The following PRTG variants were observed in gnomAD, a reference collection of about 807,000 sequenced individuals.
PRTG encodes immunoglobulin superfamily, DCC subclass, member 5.
Under a neutral mutation model 122.5 loss-of-function variants are expected in PRTG, and 67 were observed. That is an observed-to-expected ratio of 0.55 (90% CI 0.45 to 0.67). The LOEUF is 0.67. Ranked by LOEUF, PRTG falls within the 30% of genes least tolerant of loss-of-function variation. PRTG has a pLI of 0.00. For missense variants in PRTG, 1,435 were observed against 1,415.4 expected (o/e 1.01, Z -0.22); for synonymous variants, 554 against 501.1 (o/e 1.11, Z -1.41).
At chr15:55,713,234 T>A (rs1028090609) in intron 2 of PRTG, among the ~76,000 whole-genome samples, 1 of 152,212 alleles carries the variant, frequency 6.6e-6, no homozygotes, top group East Asian at 1.9e-4. Context: ...ACAAATGGTA[T>A]CATAGTCTAT....
chr15:55,636,382 T>C (rs2059257909), intron 15 of PRTG, among the ~76,000 whole-genome samples: 1 of 151,988 alleles, frequency 6.6e-6, no homozygotes, highest in Non-Finnish European at 1.5e-5. Flanking sequence ...CTTCCAGTGT[T>C]TCCTTCTCCT....
chr15:55,660,566 T>C (rs1048630151), intron 11 of PRTG, among the ~76,000 whole-genome samples: 1 of 152,230 alleles, frequency 6.6e-6, no homozygotes, highest in Non-Finnish European at 1.5e-5. Flanking sequence ...CATTTTACCA[T>C]GCTTACAGAC....
At chr15:55,688,614 T>C (rs988356663) in intron 2 of PRTG, among the ~76,000 whole-genome samples, 4 of 152,118 alleles carry the variant, frequency 2.6e-5, no homozygotes, top group Non-Finnish European at 5.9e-5. Flanking sequence ...GGCAGGCAGA[T>C]CACAAAGTCA....
At chr15:55,735,235 C>A (rs546747554) in intron 2 of PRTG, among the ~76,000 whole-genome samples, 13 of 152,214 alleles carry the variant, frequency 8.5e-5, no homozygotes, top group African/African-American at 3.1e-4. Flanking sequence ...AAATGCCTGA[C>A]TTAACATTCT....
chr15:55,672,432 C>A lies in PRTG; in HGVS notation c.2041+13G>T, dbSNP rs777990696. 5.6e-6 allele frequency: 9 copies of A among 1,604,702 alleles called. No homozygotes were observed. The South Asian group carries it at 6.7e-5, about 12-fold the overall frequency. On this transcript the variant is annotated intron_variant, in intron 11 of 19. Transcript: ENST00000389286. The stretch of plus-strand genomic sequence containing the variant: ...GAAGGAAAAAGGGAAAAATACAGTA[C>A]AAACTCACTCACCTAAGCCACTGAG...
intron 2 of PRTG, among the ~76,000 whole-genome samples, chr15:55,726,736 C>T (rs2031045382): frequency 1.3e-5 from 2 of 151,004 alleles, no homozygotes; most frequent in Admixed American, 6.6e-5. Context: ...GGAAAACTCA[C>T]ACATATATGA....
Position 55,617,645 on chromosome 15 carries a change from C to T in PRTG, c.*2367G>A, listed in dbSNP as rs1293181543. 2.0e-5 allele frequency: 3 copies of T among 151,862 alleles called. No homozygotes were observed. Among genetic ancestry groups the T allele is most frequent in the Admixed American group, 6.6e-5 (1 of 15,210 alleles). The allele number at this position is 151,862 out of a possible 1,614,324, so 9.4% of individuals were successfully genotyped here. A position where few individuals can be genotyped will look rare whatever the true frequency, so the allele number is the denominator to read the frequency against. On this transcript the variant is annotated 3_prime_UTR_variant, in exon 20 of 20. Transcript: ENST00000389286. ...TTAAATAATTATCAAATAGTTATAG[C>T]CTAAAGTTCTATTGTAACTATAAGC...
At chr15:55,721,319 A>C (rs990207948) in intron 2 of PRTG, among the ~76,000 whole-genome samples, 1 of 152,182 alleles carries the variant, frequency 6.6e-6, no homozygotes, top group Non-Finnish European at 1.5e-5. Context: ...AATGGGATCA[A>C]TCTGAAACAC....
intron 11 of PRTG, among the ~76,000 whole-genome samples, chr15:55,653,298 T>C (rs2059363021): frequency 6.6e-6 from 1 of 152,098 alleles, no homozygotes; most frequent in Non-Finnish European, 1.5e-5. Context: ...CTCTTTTGTT[T>C]TGCTCCCACC....
intron 18 of PRTG, among the ~76,000 whole-genome samples, chr15:55,622,472 C>T (rs1478312125): frequency 1.3e-5 from 2 of 151,470 alleles, no homozygotes; most frequent in African/African-American, 4.9e-5. Flanking sequence ...CAAGCTCTGC[C>T]TCCCGGGTTC....
intron 2 of PRTG, among the ~76,000 whole-genome samples, chr15:55,723,337 T>A (rs533708201): frequency 1.2e-3 from 182 of 148,876 alleles, no homozygotes; most frequent in African/African-American, 4.3e-3. Flanking sequence ...TCAAATGTTT[T>A]AAAACATGAA....
chr15:55,657,472 A>G (rs2059386730), intron 11 of PRTG, among the ~76,000 whole-genome samples: 1 of 152,218 alleles, frequency 6.6e-6, no homozygotes, highest in Admixed American at 6.5e-5. Context: ...GTAACTTGTT[A>G]AGTGATCCTA....
intron 2 of PRTG, 60 bp downstream of exon 2, chr15:55,740,322 C>G: frequency 6.9e-7 from 1 of 1,447,180 alleles, no homozygotes; most frequent in Non-Finnish European, 9.4e-7. Flanking sequence ...ATTAATAAAG[C>G]AAGAAATCAT....
At chr15:55,740,011 T>C (rs2141897730) in intron 2 of PRTG, among the ~76,000 whole-genome samples, 1 of 152,336 alleles carries the variant, frequency 6.6e-6, no homozygotes, top group African/African-American at 2.4e-5. Context: ...AACAATTTGC[T>C]TGTGATTGTT....
At chr15:55,703,158 T>C (rs1171848424) in intron 2 of PRTG, among the ~76,000 whole-genome samples, 1 of 152,214 alleles carries the variant, frequency 6.6e-6, no homozygotes, top group Non-Finnish European at 1.5e-5. Flanking sequence ...TGAGTACTTC[T>C]TCAGGATTAA....
rs536821094 is a variant in PRTG, at chr15:55,618,521, C to T, written c.*1491G>A. 1.9e-4 allele frequency: 29 copies of T among 152,284 alleles called. No homozygotes were observed. Among genetic ancestry groups the T allele is most frequent in the African/African-American group, 3.6e-4 (15 of 41,538 alleles). The allele number at this position is 152,284 out of a possible 1,614,324, so 9.4% of individuals were successfully genotyped here. A position where few individuals can be genotyped will look rare whatever the true frequency, so the allele number is the denominator to read the frequency against. On this transcript the variant is annotated 3_prime_UTR_variant, in exon 20 of 20. Coordinates refer to ENST00000389286, the MANE Select transcript of PRTG (RefSeq NM_173814.6). ...CGGCACCTAGGTAACTGTCTCATGA[C>T]GGAGAAAAGGCCTATGTTATGTAGC... is the stretch of plus-strand genomic sequence containing the variant.
Position 55,612,566 on chromosome 15 carries a change from T to C in PRTG, c.*7446A>G, listed in dbSNP as rs968344877. On this transcript the variant is annotated 3_prime_UTR_variant, in exon 20 of 20. Coordinates refer to ENST00000389286, the MANE Select transcript of PRTG (RefSeq NM_173814.6). ...ATAAAATGCATTCATTTGGAATAGTTTGCAGAAATATTAAAATACTCCATA... is the reference window on the plus strand; with the variant it reads ...ATAAAATGCATTCATTTGGAATAGTCTGCAGAAATATTAAAATACTCCATA... 8.6e-5 allele frequency: 13 copies of C among 151,852 alleles called. No homozygotes were observed. Among genetic ancestry groups the C allele is most frequent in the Admixed American group, 7.2e-4 (11 of 15,244 alleles). The allele number at this position is 151,852 out of a possible 1,614,324, so 9.4% of individuals were successfully genotyped here. A position where few individuals can be genotyped will look rare whatever the true frequency, so the allele number is the denominator to read the frequency against.
chr15:55,720,208 G>A (rs1046514961), intron 2 of PRTG, among the ~76,000 whole-genome samples: 2 of 151,902 alleles, frequency 1.3e-5, no homozygotes, highest in African/African-American at 2.4e-5. Flanking sequence ...GTGAAACCTC[G>A]TCTCTACTAA....
intron 15 of PRTG, among the ~76,000 whole-genome samples, chr15:55,633,072 T>C (rs2059236662): frequency 6.6e-6 from 1 of 152,180 alleles, no homozygotes; most frequent in South Asian, 2.1e-4. Flanking sequence ...TTAACCATGA[T>C]GAAAATTTTT....
Sources: allele counts gnomAD v4.1 joint callset (sites outside exome capture counted in the v4.1 genomes callset), GRCh38; gene constraint gnomAD v4.1.1; transcripts MANE v1.5; gene names NCBI Gene and HGNC (gene_info 2026-07-23, HGNC 2026-07-21).